NFKB1: variants seen among roughly 807,000 people sequenced by gnomAD.
The protein encoded by NFKB1 is nuclear factor NF-kappa-B p105 subunit.
NFKB1 carries 9 observed loss-of-function variants against 105.1 expected under a neutral mutation model. The observed-to-expected ratio is 0.09, with a 90% CI of 0.05 to 0.15. NFKB1 has a LOEUF of 0.15. Ranked by LOEUF, NFKB1 falls within the 10% of genes least tolerant of loss-of-function variation. NFKB1 has a pLI of 1.00. For missense variants in NFKB1, 830 were observed against 1,203.7 expected, an observed-to-expected ratio of 0.69 and a Z score of 4.59; for synonymous variants, 440 against 442.2, an observed-to-expected ratio of 1.00 and a Z score of 0.06.
At chr4:102,563,844 G>A (rs551526608) in intron 5 of NFKB1, among the ~76,000 whole-genome samples, 1 of 126,652 alleles carries the variant, frequency 7.9e-6, no homozygotes, top group Admixed American at 8.1e-5. Context: ...TTTTTTAAAC[G>A]GAGTCTTGCT....
chr4:102,504,912 C>A (rs1447468664), intron 1 of NFKB1, among the ~76,000 whole-genome samples: 1 of 152,052 alleles, frequency 6.6e-6, no homozygotes, highest in Non-Finnish European at 1.5e-5. Flanking sequence ...ATATTTGAAA[C>A]CACATAATTT....
rs4648105 is a variant in NFKB1 at position 102,611,002 on chromosome 4, G to T, written c.2352+303G>T. On this transcript the variant is annotated intron_variant, in intron 20 of 23. Coordinates refer to ENST00000226574, the MANE Select transcript of NFKB1 (RefSeq NM_003998.4). Reference sequence around the variant, plus strand: ...CCCATTCCAAATTCACACCATAATTGTGACCATCTCAATTTCTGAAGCTAG... The same window carrying T: ...CCCATTCCAAATTCACACCATAATTTTGACCATCTCAATTTCTGAAGCTAG... 4.7e-4 allele frequency among the ~76,000 whole-genome samples: 72 copies of T among 152,276 alleles called. No homozygotes were observed. The South Asian group carries it at 0.014, about 30-fold the overall frequency.
In NFKB1 at chr4:102,610,631, G is replaced by C; in HGVS notation, c.2284G>C (p.Glu762Gln). ...EPLYDLDDSW[E>Q]NAGEDEGVVP... ...TCTCTATGACCTGGATGACTCTTGG[G>C]AAAATGCAGGAGAGGATGAAGGAGT... The change falls in exon 20 of 24, where the codon GAA (glutamate) becomes CAA (glutamine). Residue 762 changes from glutamate to glutamine, a missense_variant. Around this residue, in one of 8 missense-constraint regions of NFKB1, gnomAD observed 418 missense variants for 575.3 expected, o/e 0.73. Transcript: ENST00000226574. The C allele has an allele frequency of 6.2e-7, 1 of 1,614,024 alleles. No homozygotes were observed. The highest frequency in any genetic ancestry group is 8.5e-7 in the Non-Finnish European group (1 of 1,179,970).
chr4:102,576,764 C>T (rs762928139), intron 6 of NFKB1, 112 bp from the exon 7 acceptor site: 6 of 1,111,950 alleles, frequency 5.4e-6, no homozygotes, highest in Non-Finnish European at 7.8e-6. Flanking sequence ...TTGTATAAAG[C>T]ATTGAGGGCC....
chr4:102,612,394 G>C, intron 21 of NFKB1, 40 bp from the exon 22 acceptor site: 1 of 1,596,544 alleles, frequency 6.3e-7, no homozygotes, highest in Non-Finnish European at 8.5e-7. Flanking sequence ...AGTGTCTATG[G>C]CATGTTAGAA....
intron 1 of NFKB1, among the ~76,000 whole-genome samples, chr4:102,506,026 C>T (rs913742625): frequency 2.0e-5 from 3 of 151,814 alleles, no homozygotes; most frequent in African/African-American, 7.3e-5. Flanking sequence ...TTTACTAGAA[C>T]AAATAATTTA....
intron 6 of NFKB1, among the ~76,000 whole-genome samples, chr4:102,573,974 A>G (rs1446875103): frequency 6.6e-6 from 1 of 151,950 alleles, no homozygotes; most frequent in Non-Finnish European, 1.5e-5. Flanking sequence ...TAGCTATTCA[A>G]TGTACTTGTG....
intron 1 of NFKB1, among the ~76,000 whole-genome samples, chr4:102,517,833 T>G (rs1372331388): frequency 2.0e-5 from 3 of 152,224 alleles, no homozygotes; most frequent in African/African-American, 7.2e-5. Context: ...GATTAATCTG[T>G]CTATCATAGA....
intron 1 of NFKB1, among the ~76,000 whole-genome samples, chr4:102,514,836 A>G (rs980979585): frequency 3.9e-5 from 6 of 152,066 alleles, no homozygotes; most frequent in South Asian, 4.1e-4. Context: ...CTTATATGCA[A>G]TGTTCCTCTT....
At chr4:102,518,602 A>G (rs1740357907) in intron 1 of NFKB1, among the ~76,000 whole-genome samples, 1 of 152,112 alleles carries the variant, frequency 6.6e-6, no homozygotes, top group Non-Finnish European at 1.5e-5. Context: ...AAAAAGGAGA[A>G]TCACCACAAA....
intron 1 of NFKB1, among the ~76,000 whole-genome samples, chr4:102,515,572 T>A (rs1346548527): frequency 6.6e-6 from 1 of 152,228 alleles, no homozygotes; most frequent in East Asian, 1.9e-4. Flanking sequence ...CCTTCATTGG[T>A]TACTTTCTAA....
At chr4:102,509,265 A>C (rs1246932656) in intron 1 of NFKB1, among the ~76,000 whole-genome samples, 3 of 152,212 alleles carry the variant, frequency 2.0e-5, no homozygotes, top group African/African-American at 7.2e-5. Flanking sequence ...CATTTAACCA[A>C]ATTTAAAAAG....
intron 4 of NFKB1, among the ~76,000 whole-genome samples, chr4:102,536,410 A>T (rs1424439732): frequency 1.3e-5 from 2 of 152,096 alleles, no homozygotes; most frequent in Non-Finnish European, 2.9e-5. Flanking sequence ...AATTTCCCAG[A>T]CCGGGGAATT....
rs1445825966 is a variant in NFKB1, at chr4:102,617,167, T to C, written c.*573T>C. ...TTACAATCATTGCTGAAAATGGTAT[T>C]TTCCCCCTTTTCTGCATTTTGCTAT... On this transcript the variant is annotated 3_prime_UTR_variant, in exon 24 of 24. Transcript: ENST00000226574. 1 of 152,382 alleles carries C rather than the reference T, an allele frequency of 6.6e-6. No individual in the cohort carries two copies. Among genetic ancestry groups the C allele is most frequent in the African/African-American group, 2.4e-5 (1 of 41,364 alleles). 9.4% of individuals were successfully genotyped at this position (152,382 alleles called of 1,614,324 possible).
intron 1 of NFKB1, among the ~76,000 whole-genome samples, chr4:102,515,039 T>C (rs1357398248): frequency 1.3e-5 from 2 of 151,518 alleles, no homozygotes; most frequent in Non-Finnish European, 2.9e-5. Flanking sequence ...TTTTTAAAAA[T>C]CCAGTCTGAT....
chr4:102,525,024 G>A (rs1740817710), intron 1 of NFKB1, among the ~76,000 whole-genome samples: 1 of 152,154 alleles, frequency 6.6e-6, no homozygotes, highest in African/African-American at 2.4e-5. Context: ...TCCTCCCCTT[G>A]TGTTATGCAG....
At chr4:102,598,567 GGT>G (rs1029149292) in intron 15 of NFKB1, among the ~76,000 whole-genome samples, 1 of 152,116 alleles carries the variant, frequency 6.6e-6, no homozygotes, top group African/African-American at 2.4e-5. Flanking sequence ...CCAAGGATGT[GGT>G]ATAACCACTG....
At chr4:102,594,751 C>A (rs1480386005) in intron 12 of NFKB1, 141 bp from the exon 13 acceptor site, 3 of 552,820 alleles carry the variant, frequency 5.4e-6, no homozygotes, top group East Asian at 2.8e-5. Flanking sequence ...GTGTCTTAGT[C>A]CCAACAGAAA....
chr4:102,526,923 CGTGT>C (rs35185023), intron 2 of NFKB1, among the ~76,000 whole-genome samples: 2 of 150,340 alleles, frequency 1.3e-5, no homozygotes, highest in African/African-American at 2.4e-5. Context: ...CTCTCTTTTT[CGTGT>C]GTGTGTGTGT....
Sources: gnomAD v4.1 joint callset for allele counts (sites outside exome capture counted in the v4.1 genomes callset) on GRCh38, gnomAD v4.1.1 for gene constraint, gnomAD v4.1.1 regional missense constraint, MANE v1.5 for transcripts, NCBI Gene and HGNC (gene_info 2026-07-23, HGNC 2026-07-21) for gene names.